The following LRFN1 variants were observed in gnomAD, a reference collection of about 807,000 sequenced individuals.
LRFN1 encodes leucine-rich repeat and fibronectin type III domain-containing protein 1.
Under a neutral mutation model 31.8 loss-of-function variants are expected in LRFN1, and 20 were observed. The observed-to-expected ratio is 0.63, with a 90% CI of 0.44 to 0.91. The LOEUF is 0.91. LRFN1 is among the 40% of genes least tolerant of loss of function. LRFN1 has a pLI of 0.00. For missense variants in LRFN1, 912 were observed against 1,129.8 expected (o/e 0.81, Z 2.76); for synonymous variants, 514 against 541.3 (o/e 0.95, Z 0.70).
intron 2 of LRFN1, among the ~76,000 whole-genome samples, chr19:39,317,377 C>T (rs538582331): frequency 1.3e-5 from 2 of 152,086 alleles, no homozygotes; most frequent in Non-Finnish European, 1.5e-5. Flanking sequence ...CACTACTCTA[C>T]AATGTACTGG....
At position 39,314,289 on chromosome 19, in the gene LRFN1, G is replaced by A. The variant is rs748854735; in HGVS notation, c.1048C>T (p.Arg350Trp). 5 of 1,611,010 alleles carry A rather than the reference G, an allele frequency of 3.1e-6. No individual in the cohort carries two copies. The African/African-American group carries it at 5.3e-5, about 17-fold the overall frequency. ...LLGNSSRTRV[R>W]GDGTLDVTIT... is the part of the protein sequence containing the mutation. ...GTCACATCCAGCGTCCCGTCCCCCC[G>A]GACCCGGGTCCGGCTGGAGTTCCCC... Residue 350 changes from arginine to tryptophan, a missense_variant, in exon 4 of 5, where the codon CGG becomes TGG. Arg to Trp is a moderately radical substitution (Grantham distance 101). Coordinates refer to ENST00000248668, the MANE Select transcript of LRFN1 (RefSeq NM_020862.2).
Position 39,309,478 on chromosome 19 carries a change from C to CAAAAAAAAAAAAAAAAAAAAAAAAAAAA in LRFN1, c.1407-964_1407-937dup, listed in dbSNP as rs71169583. 1.3e-4 allele frequency among the ~76,000 whole-genome samples: 4 copies of CAAAAAAAAAAAAAAAAAAAAAAAAAAAA among 31,998 alleles called. 1 individual carries two copies. Among genetic ancestry groups the CAAAAAAAAAAAAAAAAAAAAAAAAAAAA allele is most frequent in the African/African-American group, 5.9e-4 (4 of 6,826 alleles). 21.0% of individuals were successfully genotyped at this position (31,998 alleles called of 152,430 possible). Reference sequence around the variant, plus strand: ...ACTCTGTCTCAAAAAACAAACAAACCAAAAAAAAAAAAAAAAAAAAAAAAA... The same window carrying CAAAAAAAAAAAAAAAAAAAAAAAAAAAA: ...ACTCTGTCTCAAAAAACAAACAAACCAAAAAAAAAAAAAAAAAAAAAAAAAAAAAAAAAAAAAAAAAAAAAAAAAAAAA... On this transcript the variant is annotated intron_variant, in intron 4 of 4. Transcript: ENST00000248668.
intron 4 of LRFN1, among the ~76,000 whole-genome samples, chr19:39,312,876 G>A (rs1361436006): frequency 1.3e-5 from 2 of 151,872 alleles, no homozygotes; most frequent in East Asian, 1.9e-4. Context: ...GCAACTCATA[G>A]TGTACTATGG....
chr19:39,318,703 C>T (rs2075179247), intron 1 of LRFN1, among the ~76,000 whole-genome samples: 1 of 152,156 alleles, frequency 6.6e-6, no homozygotes, highest in South Asian at 2.1e-4. Context: ...ACATCCCAGC[C>T]CCTCAACTCC....
chr19:39,317,077 G>A (rs1457898695), intron 2 of LRFN1, among the ~76,000 whole-genome samples: 1 of 152,114 alleles, frequency 6.6e-6, no homozygotes, highest in Non-Finnish European at 1.5e-5. Flanking sequence ...GGCAAAGAGA[G>A]AGAGACAGAT....
intron 1 of LRFN1, among the ~76,000 whole-genome samples, chr19:39,319,659 TCA>T (rs1226658592): frequency 7.2e-5 from 11 of 152,106 alleles, no homozygotes; most frequent in African/African-American, 2.7e-4. Flanking sequence ...AGATTCACAC[TCA>T]CACAGTCTTG....
chr19:39,309,427 T>C (rs30477), intron 4 of LRFN1, among the ~76,000 whole-genome samples: 35,583 of 143,118 alleles, frequency 0.25, 8,299 homozygotes, highest in African/African-American at 0.63. Context: ...GCACTCTAGC[T>C]TGGGCTACAA....
At position 39,307,568 on chromosome 19, in the gene LRFN1, C is replaced by T; in HGVS notation, c.*65G>A. ...GCGCTGCGCTTTCTCCCAGTCCCGC[C>T]CCAGCGTCCGTGCGGCTGGGCGTTT... On this transcript the variant is annotated 3_prime_UTR_variant, in exon 5 of 5. Transcript: ENST00000248668. The surrounding 1 kb of genome is among the most constrained non-coding windows in gnomAD (Gnocchi z 6.7). The T allele has an allele frequency of 7.4e-7, 1 of 1,343,166 alleles. No homozygotes were observed. The highest frequency in any genetic ancestry group is 9.5e-7 in the Non-Finnish European group (1 of 1,050,488). 83.2% of individuals were successfully genotyped at this position (1,343,166 alleles called of 1,614,324 possible).
rs1315279454 is a variant in LRFN1 at position 39,308,355 on chromosome 19, A to G, written c.1594T>C (p.Leu532=). Residue 532 remains leucine (L), a synonymous_variant, in exon 5 of 5, where the codon TTG becomes CTG. Coordinates refer to ENST00000248668, the MANE Select transcript of LRFN1 (RefSeq NM_020862.2). The surrounding 1 kb of genome is among the most constrained non-coding windows in gnomAD (Gnocchi z 6.2). ...APCRPLRAHF[L]GGTMIIAIGG... Reference sequence around the variant, plus strand: ...ATGGCGATGATCATGGTGCCGCCCAAGAAATGGGCCCTCAGCGGGCGGCAG... The same window carrying G: ...ATGGCGATGATCATGGTGCCGCCCAGGAAATGGGCCCTCAGCGGGCGGCAG... 1.2e-6 allele frequency: 2 copies of G among 1,612,584 alleles called. No homozygotes were observed.
At chr19:39,316,650 G>A (rs1203307601) in intron 2 of LRFN1, among the ~76,000 whole-genome samples, 2 of 152,262 alleles carry the variant, frequency 1.3e-5, no homozygotes, top group African/African-American at 4.8e-5. Context: ...GCTCAGTTGA[G>A]CTCCCAAGCA....
rs35232910 is a variant in LRFN1, at chr19:39,320,305, G to GACACACACACACACACACAC, written c.-126+468_-126+487dup. On this transcript the variant is annotated intron_variant, in intron 1 of 4. Transcript: ENST00000248668. ...CACCCTCGGAGACATACAACCCGCA[G>GACACACACACACACACACAC]ACACACACACACACACACACACACA... Among the ~76,000 whole-genome samples the GACACACACACACACACACAC allele has an allele frequency of 3.7e-5, 5 of 134,726 alleles. No homozygotes were observed. The East Asian group carries it at 8.9e-4, about 24-fold the overall frequency. The allele number at this position is 134,726 out of a possible 152,430, so 88.4% of individuals were successfully genotyped here.
chr19:39,311,898 T>TC (rs1404959508), intron 4 of LRFN1, among the ~76,000 whole-genome samples: 16 of 145,028 alleles, frequency 1.1e-4, no homozygotes, highest in African/African-American at 2.6e-4. Flanking sequence ...TTTTTTTTTT[T>TC]CCAGAGGGAG....
intron 2 of LRFN1, among the ~76,000 whole-genome samples, chr19:39,316,804 T>C (rs1364565476): frequency 1.3e-5 from 2 of 152,018 alleles, no homozygotes; most frequent in Non-Finnish European, 2.9e-5. Flanking sequence ...CCACGACATG[T>C]CAGTTCCCAT....
chr19:39,314,755 G>A lies in LRFN1; in HGVS notation c.582C>T (p.Asp194=), dbSNP rs1445643918. The change falls in exon 4 of 5, where the codon GAC becomes GAT. Residue 194 remains aspartate, a synonymous_variant. Coordinates refer to ENST00000248668, the MANE Select transcript of LRFN1 (RefSeq NM_020862.2). ...CCGCGATGTGGTCGATGAGGTTGTG[G>A]TCCAGCGTGAGGGTGTTTAGGTTCA... ...QMVNLNTLTL[D]HNLIDHIAEG... The A allele has an allele frequency of 4.3e-6, 7 of 1,613,020 alleles. No homozygotes were observed. Among genetic ancestry groups the A allele is most frequent in the Non-Finnish European group, 5.9e-6 (7 of 1,179,522 alleles).
chr19:39,311,545 G>T (rs1379926498), intron 4 of LRFN1, among the ~76,000 whole-genome samples: 1 of 152,234 alleles, frequency 6.6e-6, no homozygotes. Context: ...GTGTGTCAGT[G>T]TATAAAGGAC....
Position 39,307,424 on chromosome 19 carries a change from C to T in LRFN1, c.*209G>A, listed in dbSNP as rs2075132824. 1 of 469,886 alleles carries T rather than the reference C, an allele frequency of 2.1e-6. No individual in the cohort carries two copies. The highest frequency in any genetic ancestry group is 3.6e-6 in the Non-Finnish European group (1 of 280,466). 29.1% of individuals were successfully genotyped at this position (469,886 alleles called of 1,614,324 possible). A position where few individuals can be genotyped will look rare whatever the true frequency, so the allele number is the denominator to read the frequency against. The stretch of plus-strand genomic sequence containing the variant: ...GAGGAGTCCATAGGGGAAGGGAGGC[C>T]GGCAGCCGGTCCCCGAACCCCGCCC... On this transcript the variant is annotated 3_prime_UTR_variant, in exon 5 of 5. Coordinates refer to ENST00000248668, the MANE Select transcript of LRFN1 (RefSeq NM_020862.2). This position sits in a 1 kb window ranked among gnomAD's most constrained non-coding sequence, Gnocchi z 6.7.
In LRFN1 at chr19:39,310,760, T is replaced by C. The variant is rs543446492; in HGVS notation, c.1407-2218A>G. Among the ~76,000 whole-genome samples the C allele has an allele frequency of 9.5e-4, 145 of 152,098 alleles. 1 individual carries two copies. Among genetic ancestry groups the C allele is most frequent in the Non-Finnish European group, 8.8e-4 (60 of 67,982 alleles). On this transcript the variant is annotated intron_variant, in intron 4 of 4. Transcript: ENST00000248668. ...CCCCACCTCCGAAGGCCTGCTTATC[T>C]CTCCGATGCTTCCGCTTCCCCTCCA...
At chr19:39,318,525 G>A (rs924665257) in intron 1 of LRFN1, among the ~76,000 whole-genome samples, 167 bp from the exon 2 acceptor site, 1 of 152,088 alleles carries the variant, frequency 6.6e-6, no homozygotes, top group Admixed American at 6.5e-5. Context: ...AGTCCTCTCT[G>A]GAATCCTAGA....
rs2145026667 is a variant in LRFN1 at position 39,307,553 on chromosome 19, T to G, written c.*80A>C. 6 of 1,318,830 alleles carry G rather than the reference T, an allele frequency of 4.5e-6. No individual in the cohort carries two copies. Among genetic ancestry groups the G allele is most frequent in the Middle Eastern group, 5.5e-4 (2 of 3,636 alleles). 81.7% of individuals were successfully genotyped at this position (1,318,830 alleles called of 1,614,324 possible). A position where few individuals can be genotyped will look rare whatever the true frequency, so the allele number is the denominator to read the frequency against. On this transcript the variant is annotated 3_prime_UTR_variant, in exon 5 of 5. Coordinates refer to ENST00000248668, the MANE Select transcript of LRFN1 (RefSeq NM_020862.2). This position sits in a 1 kb window ranked among gnomAD's most constrained non-coding sequence, Gnocchi z 6.7. ...TGGTCCAATGTCTTGGCGCTGCGCT[T>G]TCTCCCAGTCCCGCCCCAGCGTCCG... is the stretch of plus-strand genomic sequence containing the variant.
Sources: allele counts gnomAD v4.1 joint callset (sites outside exome capture counted in the v4.1 genomes callset), GRCh38; gene constraint gnomAD v4.1.1; non-coding constraint Gnocchi (gnomAD v3.1); transcripts MANE v1.5; gene names NCBI Gene and HGNC (gene_info 2026-07-23, HGNC 2026-07-21).